Variants in EYS observed in about 807,000 individuals in gnomAD.
EYS encodes EGF-like photoreceptor maintenance factor, also known as protein eyes shut homolog.
In EYS, 250 loss-of-function variants were observed where a neutral mutation model predicts 282.1. The observed-to-expected ratio is 0.89, with a 90% CI of 0.80 to 0.98. The LOEUF (loss-of-function observed/expected upper bound fraction) is 0.98. Ranked by LOEUF, EYS falls within the 50% of genes least tolerant of loss-of-function variation. EYS has a pLI of 0.00. For missense variants in EYS, 4,016 were observed against 3,709.0 expected (o/e 1.08, Z -2.15); for synonymous variants, 1,355 against 1,282.9 (o/e 1.06, Z -1.20).
chr6:64,544,560 C>CA (rs1476035214), intron 26 of EYS, among the ~76,000 whole-genome samples: 2 of 151,892 alleles, frequency 1.3e-5, no homozygotes, highest in East Asian at 1.9e-4. Context: ...GAATACCCTT[C>CA]AAAAAATCAA....
chr6:64,196,564 A>G (rs1765293533), intron 31 of EYS, among the ~76,000 whole-genome samples: 1 of 152,176 alleles, frequency 6.6e-6, no homozygotes. Flanking sequence ...CTATGCAGCC[A>G]TGAAAAATGA....
chr6:63,748,166 A>G (rs1769256191), intron 41 of EYS, among the ~76,000 whole-genome samples: 1 of 152,166 alleles, frequency 6.6e-6, no homozygotes, highest in Non-Finnish European at 1.5e-5. Context: ...ATCTCTCAGC[A>G]TGATACTGGA....
At chr6:64,325,953 A>G (rs368222459) in intron 29 of EYS, among the ~76,000 whole-genome samples, 29 of 152,308 alleles carry the variant, frequency 1.9e-4, no homozygotes, top group African/African-American at 5.8e-4. Context: ...CTAAGGAAGA[A>G]GAGAAATCTA....
chr6:64,305,281 T>C (rs1259952941), intron 30 of EYS, among the ~76,000 whole-genome samples: 1 of 151,838 alleles, frequency 6.6e-6, no homozygotes, highest in Non-Finnish European at 1.5e-5. Flanking sequence ...ATAAATGGAA[T>C]CACATCTCAT....
At chr6:65,599,292 A>G (rs1044637639) in intron 2 of EYS, among the ~76,000 whole-genome samples, 1 of 152,070 alleles carries the variant, frequency 6.6e-6, no homozygotes, top group Non-Finnish European at 1.5e-5. Context: ...TAAACTGTAT[A>G]TCTCTTCTGG....
intron 30 of EYS, among the ~76,000 whole-genome samples, chr6:64,285,785 GA>G (rs1350004918): frequency 6.6e-6 from 1 of 152,162 alleles, no homozygotes; most frequent in African/African-American, 2.4e-5. Flanking sequence ...GGAAGATGCA[GA>G]AGTGGAAACC....
At chr6:64,805,892 T>G (rs1764406953) in intron 22 of EYS, among the ~76,000 whole-genome samples, 1 of 151,458 alleles carries the variant, frequency 6.6e-6, no homozygotes, top group African/African-American at 2.4e-5. Context: ...AAATATTTAG[T>G]AAGCAATTAT....
At chr6:65,522,609 A>G (rs1168229215) in intron 2 of EYS, among the ~76,000 whole-genome samples, 1 of 152,180 alleles carries the variant, frequency 6.6e-6, no homozygotes, top group Non-Finnish European at 1.5e-5. Flanking sequence ...AAACACATAA[A>G]AGCATAAATA....
intron 26 of EYS, among the ~76,000 whole-genome samples, chr6:64,450,081 G>T (rs952182879): frequency 6.6e-6 from 1 of 151,860 alleles, no homozygotes; most frequent in African/African-American, 2.4e-5. Context: ...AAAGAGTCAA[G>T]ACCCATCAGT....
intron 29 of EYS, among the ~76,000 whole-genome samples, chr6:64,361,942 G>T (rs1190479312): frequency 6.6e-6 from 1 of 151,730 alleles, no homozygotes; most frequent in Non-Finnish European, 1.5e-5. Flanking sequence ...TCTTGCAATT[G>T]GAGTAAGTTG....
intron 12 of EYS, among the ~76,000 whole-genome samples, chr6:65,258,271 T>A (rs566763405): frequency 2.0e-5 from 3 of 151,810 alleles, no homozygotes; most frequent in Non-Finnish European, 4.4e-5. Flanking sequence ...CCACTGACAA[T>A]AGACAAAGCA....
chr6:65,460,435 A>T (rs996319063), intron 5 of EYS, among the ~76,000 whole-genome samples: 1 of 152,048 alleles, frequency 6.6e-6, no homozygotes, highest in African/African-American at 2.4e-5. Context: ...TCTTTTGAGA[A>T]CATATGGTAC....
chr6:64,327,092 C>A (rs1334232889), intron 29 of EYS, among the ~76,000 whole-genome samples: 2 of 152,014 alleles, frequency 1.3e-5, no homozygotes, highest in African/African-American at 4.8e-5. Context: ...TCGGGAGAGA[C>A]CATCATGGGG....
intron 26 of EYS, among the ~76,000 whole-genome samples, chr6:64,452,190 C>G (rs1775376081): frequency 6.6e-6 from 1 of 152,218 alleles, no homozygotes; most frequent in African/African-American, 2.4e-5. Context: ...GTGCAAAAAT[C>G]ACAAGCATTC....
At chr6:64,261,531 C>T (rs903762952) in intron 30 of EYS, among the ~76,000 whole-genome samples, 1 of 152,016 alleles carries the variant, frequency 6.6e-6, no homozygotes, top group Non-Finnish European at 1.5e-5. Flanking sequence ...AAAGTTTTCT[C>T]CTTATGTCTC....
chr6:64,104,875 G>A (rs969186705), intron 31 of EYS, among the ~76,000 whole-genome samples: 67 of 151,654 alleles, frequency 4.4e-4, no homozygotes, highest in African/African-American at 1.6e-3. Flanking sequence ...ACCATCAACA[G>A]CCTTTTAAGT....
At chr6:64,148,495 G>A (rs922091596) in intron 31 of EYS, among the ~76,000 whole-genome samples, 11 of 152,080 alleles carry the variant, frequency 7.2e-5, no homozygotes, top group African/African-American at 2.7e-4. Flanking sequence ...CCCTATGATG[G>A]CAAATGTTGC....
chr6:64,051,761 C>G lies in EYS; in HGVS notation c.6725+14577G>C, dbSNP rs187028830. ...TGATTTGGATTTCTTGATCCTTTCA[C>G]AAAGAAAAGAGTCAGGTGTTCTGAA... On this transcript the variant is annotated intron_variant, in intron 33 of 42. Coordinates refer to ENST00000503581, the MANE Select transcript of EYS (RefSeq NM_001142800.2). Among the ~76,000 whole-genome samples, 27 of 152,136 alleles carry G rather than the reference C, an allele frequency of 1.8e-4. No homozygotes were observed. In the East Asian group the frequency reaches 4.4e-3, roughly 25 times the overall value.
chr6:64,166,433 A>G (rs1764293292), intron 31 of EYS, among the ~76,000 whole-genome samples: 1 of 152,220 alleles, frequency 6.6e-6, no homozygotes, highest in Non-Finnish European at 1.5e-5. Context: ...TTAATCAAAT[A>G]CAGCTCATAA....
Sources: allele counts gnomAD v4.1 joint callset (sites outside exome capture counted in the v4.1 genomes callset), GRCh38; gene constraint gnomAD v4.1.1; transcripts MANE v1.5; gene names NCBI Gene and HGNC (gene_info 2026-07-23, HGNC 2026-07-21).